Variants in BCOR observed in about 807,000 individuals in gnomAD.
The protein encoded by BCOR is BCL-6 corepressor.
In BCOR, 10 loss-of-function variants were observed where a neutral mutation model predicts 86.7. The observed-to-expected ratio is 0.12, with a 90% CI of 0.07 to 0.20. The LOEUF (loss-of-function observed/expected upper bound fraction) is 0.20, where lower values mean the gene tolerates loss of function less well. Among genes scored for constraint, BCOR ranks in the 10% least tolerant of loss-of-function variants. The pLI is 1.00. For missense variants in BCOR, 1,259 were observed against 1,452.1 expected, an observed-to-expected ratio of 0.87 and a Z score of 2.16; for synonymous variants, 611 against 609.0, an observed-to-expected ratio of 1.00 and a Z score of -0.05.
chrX:40,100,533 G>A, upstream of BCOR, among the ~76,000 whole-genome samples: 1 of 111,576 alleles, frequency 9.0e-6, no homozygotes, highest in Non-Finnish European at 1.9e-5. Context: ...GAGTCTTACG[G>A]CCTCCCGGGG....
Position 40,064,606 on chromosome X carries a change from G to A in BCOR, c.3239-7C>T, listed in dbSNP as rs1305350904. 2.5e-6 allele frequency: 3 copies of A among 1,210,589 alleles called. No individual in the cohort carries two copies. In the African/African-American group the frequency reaches 5.2e-5, roughly 21 times the overall value. On this transcript the variant is annotated splice_polypyrimidine_tract_variant and splice_region_variant and intron_variant, in intron 6 of 14. Coordinates refer to ENST00000378444, the MANE Select transcript of BCOR (RefSeq NM_001123385.2). ...TTTCCAACACTATACTCGCCTGGGGGAGGGGAGACAAGAGGGCATTAATGA... is the reference window on the plus strand; with the variant it reads ...TTTCCAACACTATACTCGCCTGGGGAAGGGGAGACAAGAGGGCATTAATGA...
At chrX:40,062,434 CCTT>C in intron 9 of BCOR, 41 bp from the exon 10 acceptor site, 1 of 1,184,320 alleles carries the variant, frequency 8.4e-7, no homozygotes, top group East Asian at 3.1e-5. Flanking sequence ...AAGCCCGTGT[CCTT>C]CTAACAGCCG....
intron 1 of BCOR, among the ~76,000 whole-genome samples, chrX:40,108,315 G>A (rs1937232429): frequency 8.9e-6 from 1 of 112,981 alleles, no homozygotes; most frequent in Non-Finnish European, 1.9e-5. Flanking sequence ...CCCTTCCCCG[G>A]CGACCCCCGC....
At chrX:40,135,770 C>T (rs776182815) in intron 1 of BCOR, among the ~76,000 whole-genome samples, 10 of 111,593 alleles carry the variant, frequency 9.0e-5, no homozygotes, top group African/African-American at 3.3e-4. Flanking sequence ...CGGCAATGAC[C>T]CAGAAGCCTC....
At chrX:40,056,034 G>C (rs1340448181) in intron 11 of BCOR, among the ~76,000 whole-genome samples, 1 of 109,212 alleles carries the variant, frequency 9.2e-6, no homozygotes, top group Non-Finnish European at 1.9e-5. Flanking sequence ...TTTCCAGGCT[G>C]ATCTTGAACT....
intron 1 of BCOR, among the ~76,000 whole-genome samples, chrX:40,126,109 G>C (rs181750664): frequency 2.8e-3 from 312 of 110,061 alleles, no homozygotes; most frequent in Middle Eastern, 9.3e-3. Flanking sequence ...CCAGCTACTC[G>C]GGAGGCTGAG....
rs1208994906 is a variant in BCOR at position 40,064,682 on chromosome X, C to A, written c.3239-83G>T. 7 of 1,080,193 alleles carry A rather than the reference C, an allele frequency of 6.5e-6. No individual in the cohort carries two copies. In the East Asian group the frequency reaches 1.8e-4, roughly 28 times the overall value. The allele number at this position is 1,080,193 out of a possible 1,213,427, so 89.0% of individuals were successfully genotyped here. ...AGGATCTGGGGAGTGCGTGGGACCA[C>A]CATGCCCAAGGTAATCTGCTATTGA... On this transcript the variant is annotated intron_variant, in intron 6 of 14. Transcript: ENST00000378444.
chrX:40,111,109 A>G (rs939839405), intron 1 of BCOR, among the ~76,000 whole-genome samples: 2 of 111,411 alleles, frequency 1.8e-5, no homozygotes, highest in Non-Finnish European at 3.8e-5. Flanking sequence ...GTGTCTGTCC[A>G]TCCATCCTGA....
chrX:40,089,943 C>G (rs1229763730), intron 1 of BCOR, among the ~76,000 whole-genome samples: 1 of 112,138 alleles, frequency 8.9e-6, no homozygotes, highest in East Asian at 2.8e-4. Context: ...CACAAAAGCG[C>G]AAGCCGGGGG....
intron 10 of BCOR, among the ~76,000 whole-genome samples, chrX:40,057,603 G>A (rs1302899602): frequency 2.7e-5 from 3 of 111,754 alleles, no homozygotes; most frequent in South Asian, 3.8e-4. Flanking sequence ...GAGTAACAGC[G>A]CCTACCAGAG....
chrX:40,077,010 C>A, intron 2 of BCOR: 1 of 276,098 alleles, frequency 3.6e-6, no homozygotes, highest in Admixed American at 5.1e-5. Flanking sequence ...AAACTTTTTC[C>A]AAAACAAAGT....
At chrX:40,156,573 C>T (rs1938299931) in intron 1 of BCOR, among the ~76,000 whole-genome samples, 1 of 113,128 alleles carries the variant, frequency 8.8e-6, no homozygotes, top group African/African-American at 3.2e-5. Flanking sequence ...CTCGAGGGCG[C>T]ACCGCCTACC....
At chrX:40,170,032 C>T (rs1436750444) in intron 1 of BCOR, among the ~76,000 whole-genome samples, 2 of 112,761 alleles carry the variant, frequency 1.8e-5, no homozygotes, top group African/African-American at 6.4e-5. Context: ...GGTCACGCTG[C>T]CTGAGCCCAT....
At chrX:40,084,100 A>G (rs1212434451) in intron 1 of BCOR, among the ~76,000 whole-genome samples, 1 of 111,473 alleles carries the variant, frequency 9.0e-6, no homozygotes, top group Non-Finnish European at 1.9e-5. Context: ...TTCCCCTTAC[A>G]AAGATGTGAG....
At position 40,116,411 on chromosome X, in the gene BCOR, G is replaced by A. The variant is rs1022461160; in HGVS notation, c.-40-38442C>T. On this transcript the variant is annotated intron_variant, in intron 1 of 14. Coordinates refer to the BCOR transcript ENST00000342274. The stretch of plus-strand genomic sequence containing the variant: ...ACTCGGGAGGCTGAGGCAGCAGAAT[G>A]GTGTGAAACCAGGAGGCAGAGCTTG... Among the ~76,000 whole-genome samples, 3 of 110,034 alleles carry A rather than the reference G, an allele frequency of 2.7e-5. No homozygotes were observed. The East Asian group carries it at 8.5e-4, about 31-fold the overall frequency.
intron 1 of BCOR, among the ~76,000 whole-genome samples, chrX:40,104,896 G>A (rs1937142874): frequency 8.9e-6 from 1 of 111,738 alleles, no homozygotes; most frequent in Non-Finnish European, 1.9e-5. Context: ...CGGGCGAGCC[G>A]CCTGGCGCGG....
At chrX:40,080,549 C>G (rs749427955) in intron 1 of BCOR, among the ~76,000 whole-genome samples, 3 of 111,630 alleles carry the variant, frequency 2.7e-5, no homozygotes, top group African/African-American at 9.8e-5. Context: ...TATACTGAGG[C>G]CCAGCCCCGA....
In BCOR at chrX:40,074,966, T is replaced by C. The variant is rs1935722204; in HGVS notation, c.380A>G (p.Asn127Ser). Residue 127 changes from asparagine (N) to serine (S), a missense_variant, in exon 4 of 15, where the codon AAT (asparagine) becomes AGT (serine). Around this residue, in one of 7 missense-constraint regions of BCOR, gnomAD observed 174 missense variants for 189.3 expected, o/e 0.92. Transcript: ENST00000378444. Reference protein sequence around the residue: ...ERNPEMQFKPNTPETVEASAV... With the variant: ...ERNPEMQFKPSTPETVEASAV... ...AGAAGCCTCCACTGTCTCGGGTGTA[T>C]TCGGTTTGAACTGCATCTCTGGATT... The C allele has an allele frequency of 1.7e-6, 2 of 1,208,902 alleles. No homozygotes were observed. The highest frequency in any genetic ancestry group is 2.2e-6 in the Non-Finnish European group (2 of 894,857).
chrX:40,139,513 A>T (rs1357697072), intron 1 of BCOR, among the ~76,000 whole-genome samples: 42 of 47,648 alleles, frequency 8.8e-4, no homozygotes, highest in Non-Finnish European at 1.1e-3. Context: ...TTTTTTTTTT[A>T]AGCATCAGCC....
Sources: allele counts gnomAD v4.1 joint callset (sites outside exome capture counted in the v4.1 genomes callset), GRCh38; gene constraint gnomAD v4.1.1; regional missense constraint gnomAD v4.1.1; transcripts MANE v1.5; gene names NCBI Gene and HGNC (gene_info 2026-07-23, HGNC 2026-07-21).